The following ASB18 variants were observed in gnomAD, a reference collection of about 807,000 sequenced individuals.
ASB18 encodes the protein ankyrin repeat and SOCS box protein 18.
Under a neutral mutation model 33.4 loss-of-function variants are expected in ASB18, and 33 were observed. That is an observed-to-expected ratio of 0.99 (90% CI 0.75 to 1.32). The LOEUF (loss-of-function observed/expected upper bound fraction) is 1.32, where lower values mean the gene tolerates loss of function less well. Ranked by LOEUF, ASB18 falls within the 40% of genes most tolerant of loss-of-function variation. ASB18 has a pLI of 0.00. For missense variants in ASB18, 694 were observed against 655.5 expected (o/e 1.06, Z -0.64); for synonymous variants, 295 against 307.6 (o/e 0.96, Z 0.43).
At position 236,214,817 on chromosome 2, in the gene ASB18, C is replaced by A. The variant is rs570889823; in HGVS notation, c.646G>T (p.Gly216Cys). 2 of 1,213,076 alleles carry A rather than the reference C, an allele frequency of 1.6e-6. No individual in the cohort carries two copies. Among genetic ancestry groups the A allele is most frequent in the East Asian group, 6.8e-5 (2 of 29,554 alleles). 75.1% of individuals were successfully genotyped at this position (1,213,076 alleles called of 1,614,324 possible). Residue 216 changes from glycine to cysteine, a missense_variant, in exon 4 of 6, where the codon GGC becomes TGC. By Grantham distance (159) the Gly-to-Cys change is radical. Coordinates refer to ENST00000409749, the MANE Select transcript of ASB18 (RefSeq NM_212556.4). The surrounding 1 kb of genome is among the most constrained non-coding windows in gnomAD (Gnocchi z 6.5). ...TGCAGCGGCGTGTCCCGGCCCGTGCCGCCCACGCGCTGCACCGAGGCCCCG... is the reference window on the plus strand; with the variant it reads ...TGCAGCGGCGTGTCCCGGCCCGTGCAGCCCACGCGCTGCACCGAGGCCCCG... ...EHGASVQRVG[G>C]TGRDTPLHVA...
chr2:236,237,413 GGGGCCGGGGCCGGGGCGCGGGGCGA>G lies in ASB18; in HGVS notation c.596+251_596+275del, dbSNP rs1439209418. On this transcript the variant is annotated intron_variant, in intron 3 of 5. Coordinates refer to ENST00000409749, the MANE Select transcript of ASB18 (RefSeq NM_212556.4). The surrounding 1 kb of genome is among the most constrained non-coding windows in gnomAD (Gnocchi z 6.2). ...GGGGCCGGGGCCGGGGCGCGGGGCG[GGGGCCGGGGCCGGGGCGCGGGGCGA>G]GGGCCGGGAGGTGCCAGGTCTGGGG... Among the ~76,000 whole-genome samples, 224 of 48,438 alleles carry G rather than the reference GGGGCCGGGGCCGGGGCGCGGGGCGA, an allele frequency of 4.6e-3. 11 individuals carry two copies. The highest frequency in any genetic ancestry group is 0.017 in the Middle Eastern group (1 of 60). 31.8% of individuals were successfully genotyped at this position (48,438 alleles called of 152,430 possible).
At position 236,214,632 on chromosome 2, in the gene ASB18, C is replaced by T. The variant is rs2060477037; in HGVS notation, c.831G>A (p.Ala277=). The T allele has an allele frequency of 3.4e-6, 4 of 1,181,796 alleles. No individual in the cohort carries two copies. In the African/African-American group the frequency reaches 6.5e-5, roughly 19 times the overall value. The allele number at this position is 1,181,796 out of a possible 1,614,324, so 73.2% of individuals were successfully genotyped here. ...CCTCCGCCCCGCGCCGCAGCAGCAG[C>T]GCGCACAGGCGCAGGCAGCGCCCGT... ...DEHGRCLRLC[A]LLLRRGAEAD... Residue 277 remains alanine, a synonymous_variant, in exon 4 of 6, where the codon GCG becomes GCA. Coordinates refer to ENST00000409749, the MANE Select transcript of ASB18 (RefSeq NM_212556.4). This position sits in a 1 kb window ranked among gnomAD's most constrained non-coding sequence, Gnocchi z 6.5.
rs536856067 is a variant in ASB18 at position 236,245,976 on chromosome 2, T to G, written c.206-4574A>C. 6.6e-6 allele frequency among the ~76,000 whole-genome samples: 1 copy of G among 152,250 alleles called. No homozygotes were observed. Among genetic ancestry groups the G allele is most frequent in the African/African-American group, 2.4e-5 (1 of 41,550 alleles). ...CTGGCCTAGGGCAGGTCTCAGGTGC[T>G]CAGCGTGGGGACCTACCTCAGATCT... On this transcript the variant is annotated intron_variant, in intron 1 of 5. Coordinates refer to ENST00000409749, the MANE Select transcript of ASB18 (RefSeq NM_212556.4). The surrounding 1 kb of genome is among the most constrained non-coding windows in gnomAD (Gnocchi z 4.7).
At position 236,235,935 on chromosome 2, in the gene ASB18, C is replaced by T. The variant is rs1202536919; in HGVS notation, c.596+1754G>A. On this transcript the variant is annotated intron_variant, in intron 3 of 5. Transcript: ENST00000409749. The surrounding 1 kb of genome is among the most constrained non-coding windows in gnomAD (Gnocchi z 6.2). ...TCTTGAACTCCCGGACTCAAGTGAT[C>T]TGCCTGTCTCAGCCTCCCAAAGTGT... Among the ~76,000 whole-genome samples, 1 of 152,206 alleles carries T rather than the reference C, an allele frequency of 6.6e-6. No homozygotes were observed. The highest frequency in any genetic ancestry group is 2.4e-5 in the African/African-American group (1 of 41,450).
chr2:236,202,814 T>TATATACACACACAC, intron 4 of ASB18, among the ~76,000 whole-genome samples: 1 of 126,608 alleles, frequency 7.9e-6, no homozygotes, highest in East Asian at 2.4e-4. Context: ...TATATATATA[T>TATATACACACACAC]ACACACACCT....
At chr2:236,202,790 A>AT (rs1274889195) in intron 4 of ASB18, among the ~76,000 whole-genome samples, 2 of 116,266 alleles carry the variant, frequency 1.7e-5, no homozygotes, top group African/African-American at 8.1e-5. Context: ...AAAAAAAAAA[A>AT]AAAAATATAT....
rs2106266820 is a variant in ASB18 at position 236,209,881 on chromosome 2, C to T, written c.1101+4481G>A. 6.6e-6 allele frequency among the ~76,000 whole-genome samples: 1 copy of T among 152,324 alleles called. No individual in the cohort carries two copies. Among genetic ancestry groups the T allele is most frequent in the East Asian group, 1.9e-4 (1 of 5,166 alleles). ...TTTCCAACTGCACACATTGCCGTGCCTGTCCTGCTCCAGGACATTTGCCCA... is the reference window on the plus strand; with the variant it reads ...TTTCCAACTGCACACATTGCCGTGCTTGTCCTGCTCCAGGACATTTGCCCA... On this transcript the variant is annotated intron_variant, in intron 4 of 5. Transcript: ENST00000409749. This position sits in a 1 kb window ranked among gnomAD's most constrained non-coding sequence, Gnocchi z 4.4.
chr2:236,262,698 C>A lies in ASB18; in HGVS notation c.205+1443G>T, dbSNP rs1316649747. Among the ~76,000 whole-genome samples, 3 of 151,256 alleles carry A rather than the reference C, an allele frequency of 2.0e-5. No individual in the cohort carries two copies. Among genetic ancestry groups the A allele is most frequent in the Non-Finnish European group, 3.0e-5 (2 of 67,666 alleles). ...GCTTGTGATGACAACCTCCCCTAAA[C>A]CCCCCCCAGGGCAATCTTCTAGAGA... On this transcript the variant is annotated intron_variant, in intron 1 of 5. Coordinates refer to ENST00000409749, the MANE Select transcript of ASB18 (RefSeq NM_212556.4). This position sits in a 1 kb window ranked among gnomAD's most constrained non-coding sequence, Gnocchi z 5.2.
rs2060483039 is a variant in ASB18, at chr2:236,215,335, G to A, written c.597-469C>T. ...TCAGCTTTGTGAGGGTGTGAGGCAAGCCTTGCCTTGCACCACGAAGGGACT... is the reference window on the plus strand; with the variant it reads ...TCAGCTTTGTGAGGGTGTGAGGCAAACCTTGCCTTGCACCACGAAGGGACT... On this transcript the variant is annotated intron_variant, in intron 3 of 5. Coordinates refer to ENST00000409749, the MANE Select transcript of ASB18 (RefSeq NM_212556.4). This position sits in a 1 kb window ranked among gnomAD's most constrained non-coding sequence, Gnocchi z 7.2. 6.6e-6 allele frequency among the ~76,000 whole-genome samples: 1 copy of A among 152,120 alleles called. No individual in the cohort carries two copies. The highest frequency in any genetic ancestry group is 2.1e-4 in the South Asian group (1 of 4,818).
chr2:236,196,022 T>G lies in ASB18; in HGVS notation c.1215+250A>C, dbSNP rs958240018. ...GACACTGGTTAAGGAACCCTCGCGC[T>G]TTTCAGGCCAGCACGGGGCTCTGAG... On this transcript the variant is annotated intron_variant, in intron 5 of 5. Transcript: ENST00000409749. The surrounding 1 kb of genome is among the most constrained non-coding windows in gnomAD (Gnocchi z 5.6). The G allele has an allele frequency of 1.6e-5, 8 of 513,404 alleles. No homozygotes were observed. The highest frequency in any genetic ancestry group is 3.2e-5 in the Admixed American group (1 of 31,154). The allele number at this position is 513,404 out of a possible 1,614,324, so 31.8% of individuals were successfully genotyped here. A position where few individuals can be genotyped will look rare whatever the true frequency, so the allele number is the denominator to read the frequency against.
chr2:236,225,050 G>C lies in ASB18; in HGVS notation c.597-10184C>G, dbSNP rs2060530813. 6.6e-6 allele frequency among the ~76,000 whole-genome samples: 1 copy of C among 152,202 alleles called. No homozygotes were observed. Among genetic ancestry groups the C allele is most frequent in the African/African-American group, 2.4e-5 (1 of 41,442 alleles). ...AACTTCCTGTTCTTAGGTGGAGACTGCTGGGTCCCCCCACCCATAAGATAA... is the reference window on the plus strand; with the variant it reads ...AACTTCCTGTTCTTAGGTGGAGACTCCTGGGTCCCCCCACCCATAAGATAA... On this transcript the variant is annotated intron_variant, in intron 3 of 5. Coordinates refer to ENST00000409749, the MANE Select transcript of ASB18 (RefSeq NM_212556.4). This position sits in a 1 kb window ranked among gnomAD's most constrained non-coding sequence, Gnocchi z 5.1.
chr2:236,194,834 C>G lies in ASB18; in HGVS notation c.*38G>C, dbSNP rs554099328. ...ACACACGGCCTCCATGGAAGGTCAG[C>G]GAGGAGAACAACAGTATTGGTTGCA... On this transcript the variant is annotated 3_prime_UTR_variant, in exon 6 of 6. Transcript: ENST00000409749. The surrounding 1 kb of genome is among the most constrained non-coding windows in gnomAD (Gnocchi z 4.5). 3 of 1,560,206 alleles carry G rather than the reference C, an allele frequency of 1.9e-6. No homozygotes were observed. In the African/African-American group the frequency reaches 4.1e-5, roughly 21 times the overall value.
At chr2:236,233,835 T>C (rs2060577256) in intron 3 of ASB18, among the ~76,000 whole-genome samples, 1 of 152,198 alleles carries the variant, frequency 6.6e-6, no homozygotes. Flanking sequence ...TTTCTCCAAA[T>C]TGATTTATAG....
At chr2:236,254,500 T>C (rs2060682983) in intron 1 of ASB18, among the ~76,000 whole-genome samples, 1 of 151,866 alleles carries the variant, frequency 6.6e-6, no homozygotes, top group Non-Finnish European at 1.5e-5. Context: ...ACCACTAAAT[T>C]TGGGAAACGT....
In ASB18 at chr2:236,242,062, A is replaced by G. The variant is rs189595675; in HGVS notation, c.206-660T>C. On this transcript the variant is annotated intron_variant, in intron 1 of 5. Transcript: ENST00000409749. ...GGAAAGAAACAAGTATTTATGAAGC[A>G]CCCGATGTACACCAGTTGCTTTTTA... 1.8e-3 allele frequency among the ~76,000 whole-genome samples: 272 copies of G among 152,292 alleles called. 1 individual carries two copies. The highest frequency in any genetic ancestry group is 6.4e-3 in the African/African-American group (266 of 41,552).
At position 236,251,272 on chromosome 2, in the gene ASB18, G is replaced by A. The variant is rs555651447; in HGVS notation, c.206-9870C>T. Among the ~76,000 whole-genome samples the A allele has an allele frequency of 6.6e-5, 10 of 152,292 alleles. No homozygotes were observed. The highest frequency in any genetic ancestry group is 3.9e-4 in the East Asian group (2 of 5,174). ...AAAACACAGCGGCCCAATCCTCAGC[G>A]TGCACAACCACGAGTAAATAGCCCT... is the stretch of plus-strand genomic sequence containing the variant. On this transcript the variant is annotated intron_variant, in intron 1 of 5. Coordinates refer to ENST00000409749, the MANE Select transcript of ASB18 (RefSeq NM_212556.4). The surrounding 1 kb of genome is among the most constrained non-coding windows in gnomAD (Gnocchi z 5.3).
intron 4 of ASB18, among the ~76,000 whole-genome samples, chr2:236,212,452 GA>G (rs1483800394): frequency 6.6e-6 from 1 of 152,156 alleles, no homozygotes; most frequent in African/African-American, 2.4e-5. Context: ...CACTCAAATT[GA>G]AACAATTTCA....
Position 236,203,457 on chromosome 2 carries a change from G to C in ASB18, c.1102-7072C>G, listed in dbSNP as rs1231162610. Among the ~76,000 whole-genome samples the C allele has an allele frequency of 6.6e-6, 1 of 152,202 alleles. No homozygotes were observed. ...ATGGGGAGTGCTCGGAAATGAAACAGGAGAGGAAAGCAGGGAAGACCATGG... is the reference window on the plus strand; with the variant it reads ...ATGGGGAGTGCTCGGAAATGAAACACGAGAGGAAAGCAGGGAAGACCATGG... On this transcript the variant is annotated intron_variant, in intron 4 of 5. Transcript: ENST00000409749. This position sits in a 1 kb window ranked among gnomAD's most constrained non-coding sequence, Gnocchi z 6.0.
chr2:236,262,768 AC>A lies in ASB18; in HGVS notation c.205+1372del, dbSNP rs1430009417. On this transcript the variant is annotated intron_variant, in intron 1 of 5. Coordinates refer to ENST00000409749, the MANE Select transcript of ASB18 (RefSeq NM_212556.4). This position sits in a 1 kb window ranked among gnomAD's most constrained non-coding sequence, Gnocchi z 5.2. ...GGGATCATGGCTCCTGGGCCTATGGACCCCCGCCAGATATTAGGAAAACCAA... is the reference window on the plus strand; with the variant it reads ...GGGATCATGGCTCCTGGGCCTATGGACCCCGCCAGATATTAGGAAAACCAA... 1.3e-5 allele frequency among the ~76,000 whole-genome samples: 2 copies of A among 151,922 alleles called. No individual in the cohort carries two copies. The highest frequency in any genetic ancestry group is 4.8e-5 in the African/African-American group (2 of 41,344).
Sources: allele counts gnomAD v4.1 joint callset (sites outside exome capture counted in the v4.1 genomes callset), GRCh38; gene constraint gnomAD v4.1.1; non-coding constraint Gnocchi (gnomAD v3.1); transcripts MANE v1.5; gene names NCBI Gene and HGNC (gene_info 2026-07-23, HGNC 2026-07-21).